Variants in ATP2C2 observed in about 807,000 individuals in gnomAD.
ATP2C2 encodes ATPase secretory pathway Ca2+ transporting 2, also known as calcium-transporting ATPase type 2C member 2.
Under a neutral mutation model 110.8 loss-of-function variants are expected in ATP2C2, and 171 were observed. The observed-to-expected ratio is 1.54, with a 90% CI of 1.36 to 1.75. ATP2C2 has a LOEUF of 1.75. Among genes scored for constraint, ATP2C2 ranks in the 40% most tolerant of loss-of-function variants. The pLI is 0.00. For missense variants in ATP2C2, 1,963 were observed against 1,235.0 expected, an observed-to-expected ratio of 1.59 and a Z score of -8.84; for synonymous variants, 804 against 508.4, an observed-to-expected ratio of 1.58 and a Z score of -7.82.
intron 1 of ATP2C2, among the ~76,000 whole-genome samples, chr16:84,397,062 C>T (rs1429175011): frequency 6.6e-6 from 1 of 151,818 alleles, no homozygotes; most frequent in African/African-American, 2.4e-5. Flanking sequence ...TCCCAGTTTC[C>T]AGTAACCTGG....
intron 3 of ATP2C2, among the ~76,000 whole-genome samples, chr16:84,406,363 G>A (rs754490136): frequency 6.6e-6 from 1 of 152,234 alleles, no homozygotes; most frequent in Non-Finnish European, 1.5e-5. Flanking sequence ...AGGGCATTTA[G>A]ATGGCCTTAG....
chr16:84,459,852 A>G, intron 23 of ATP2C2: 2 of 401,890 alleles, frequency 5.0e-6, no homozygotes, highest in Non-Finnish European at 9.3e-6. Context: ...TTTGTGTTTC[A>G]TCCCTGATGT....
intron 1 of ATP2C2, among the ~76,000 whole-genome samples, chr16:84,381,246 T>TGCG (rs1345530376): frequency 6.6e-6 from 1 of 152,040 alleles, no homozygotes; most frequent in African/African-American, 2.4e-5. Context: ...TCAGTTAGAG[T>TGCG]GCGGCAGAAA....
At chr16:84,412,486 G>A (rs1192906520) in intron 6 of ATP2C2, among the ~76,000 whole-genome samples, 2 of 105,208 alleles carry the variant, frequency 1.9e-5, no homozygotes, top group African/African-American at 6.7e-5. Context: ...GCATGTGTAT[G>A]TGTGCATGTG....
At chr16:84,387,419 G>A (rs554245766) in intron 1 of ATP2C2, among the ~76,000 whole-genome samples, 12 of 152,272 alleles carry the variant, frequency 7.9e-5, no homozygotes, top group East Asian at 1.9e-4. Context: ...GGCTGAGGCA[G>A]GAGAATCACT....
At chr16:84,383,224 A>G (rs1340363600) in intron 1 of ATP2C2, among the ~76,000 whole-genome samples, 2 of 152,218 alleles carry the variant, frequency 1.3e-5, no homozygotes, top group Admixed American at 1.3e-4. Context: ...AATCAGTGCC[A>G]GGGAGGCCCA....
intron 7 of ATP2C2, among the ~76,000 whole-genome samples, chr16:84,417,421 A>T (rs549750255): frequency 6.6e-6 from 1 of 152,224 alleles, no homozygotes; most frequent in Admixed American, 6.5e-5. Flanking sequence ...GAAACAAGCT[A>T]TGACCCATGC....
chr16:84,396,206 T>A (rs937028968), intron 1 of ATP2C2, among the ~76,000 whole-genome samples: 3 of 148,048 alleles, frequency 2.0e-5, no homozygotes, highest in Non-Finnish European at 4.5e-5. Context: ...TCTCTGCAAG[T>A]GTTTTCAAGC....
rs150484575 is a variant in ATP2C2, at chr16:84,436,484, G to C, written c.987-2682G>C. Among the ~76,000 whole-genome samples the C allele has an allele frequency of 7.7e-3, 1,180 of 152,260 alleles. 21 individuals are homozygous for C. The highest frequency in any genetic ancestry group is 0.027 in the African/African-American group (1,124 of 41,552). On this transcript the variant is annotated intron_variant, in intron 11 of 26. Transcript: ENST00000262429. ...GGGTCCCTGGCAGTGGCTGTGGGTG[G>C]GTTGCAGGTGTGGTGAGAGACAGTG...
chr16:84,422,800 G>A, intron 9 of ATP2C2, 103 bp downstream of exon 9: 1 of 1,237,186 alleles, frequency 8.1e-7, no homozygotes, highest in Admixed American at 2.3e-5. Context: ...TGAGTGGCAT[G>A]TGGTTCATAT....
intron 17 of ATP2C2, among the ~76,000 whole-genome samples, chr16:84,449,332 C>T (rs572854002): frequency 1.3e-5 from 2 of 152,344 alleles, no homozygotes; most frequent in South Asian, 4.1e-4. Context: ...ACCCTTGCGG[C>T]TTTCTGGGGC....
chr16:84,455,074 G>A lies in ATP2C2; in HGVS notation c.2147+90G>A, dbSNP rs566232739. On this transcript the variant is annotated intron_variant, in intron 21 of 26. Coordinates refer to ENST00000262429, the MANE Select transcript of ATP2C2 (RefSeq NM_014861.4). The stretch of plus-strand genomic sequence containing the variant: ...AACCTGCTACTGTGGAGATAGAGGG[G>A]GGGGTCTCGCGGAGTCCCCAGGGAG... The A allele has an allele frequency of 1.5e-4, 226 of 1,521,772 alleles. 3 individuals carry two copies. The African/African-American group carries it at 2.7e-3, about 18-fold the overall frequency. The allele number at this position is 1,521,772 out of a possible 1,614,324, so 94.3% of individuals were successfully genotyped here.
At chr16:84,391,781 T>TGTTG (rs1181118766) in intron 1 of ATP2C2, among the ~76,000 whole-genome samples, 3 of 152,178 alleles carry the variant, frequency 2.0e-5, no homozygotes, top group Admixed American at 6.5e-5. Context: ...ACCGAGTTTG[T>TGTTG]GTTGGTTGTT....
intron 11 of ATP2C2, among the ~76,000 whole-genome samples, chr16:84,431,669 A>G (rs960927960): frequency 6.6e-6 from 1 of 152,114 alleles, no homozygotes; most frequent in African/African-American, 2.4e-5. Flanking sequence ...GGGGGGGACC[A>G]CAGCTGAGCT....
In ATP2C2 at chr16:84,453,141, G is replaced by A. The variant is rs1910450441; in HGVS notation, c.1835G>A (p.Arg612Lys). Residue 612 changes from arginine (R) to lysine (K), a missense_variant, in exon 19 of 27, where the codon AGA becomes AAA. By Grantham distance (26) the Arg-to-Lys change is conservative (BLOSUM62 2). Transcript: ENST00000262429. The stretch of plus-strand genomic sequence containing the variant: ...CTCAGAACAGGTTCTTCTGAAGGAA[G>A]AAACATCGGCCTGTGCAACGGGAAG... ...DALETALAIG[R>K]NIGLCNGKLQ... The A allele has an allele frequency of 1.2e-6, 2 of 1,610,016 alleles. No individual in the cohort carries two copies. Among genetic ancestry groups the A allele is most frequent in the Non-Finnish European group, 1.7e-6 (2 of 1,177,938 alleles).
intron 2 of ATP2C2, among the ~76,000 whole-genome samples, chr16:84,400,115 G>A (rs561124388): frequency 6.6e-6 from 1 of 152,056 alleles, no homozygotes; most frequent in African/African-American, 2.4e-5. Flanking sequence ...TTTTATGGGT[G>A]CATAGTACTC....
At position 84,436,448 on chromosome 16, in the gene ATP2C2, G is replaced by A. The variant is rs113826031; in HGVS notation, c.987-2718G>A. 5.3e-3 allele frequency among the ~76,000 whole-genome samples: 800 copies of A among 152,278 alleles called. 8 individuals are homozygous for A. The highest frequency in any genetic ancestry group is 0.018 in the African/African-American group (761 of 41,552). ...GGGCCTGGACCGGGCGTGTCTCGAG[G>A]GGCTTCTGCAGGGTCCCTGGCAGTG... On this transcript the variant is annotated intron_variant, in intron 11 of 26. Coordinates refer to ENST00000262429, the MANE Select transcript of ATP2C2 (RefSeq NM_014861.4).
chr16:84,455,612 T>G (rs542860282), intron 21 of ATP2C2, among the ~76,000 whole-genome samples: 10 of 152,072 alleles, frequency 6.6e-5, no homozygotes, highest in Non-Finnish European at 1.2e-4. Context: ...CTAATCGCAG[T>G]GGTTAGTTGG....
At chr16:84,424,232 A>C (rs1271512459) in intron 10 of ATP2C2, among the ~76,000 whole-genome samples, 1 of 152,152 alleles carries the variant, frequency 6.6e-6, no homozygotes, top group African/African-American at 2.4e-5. Context: ...GTTAAATTAG[A>C]ACTTAAATTG....
Sources: allele counts gnomAD v4.1 joint callset (sites outside exome capture counted in the v4.1 genomes callset), GRCh38; gene constraint gnomAD v4.1.1; transcripts MANE v1.5; gene names NCBI Gene and HGNC (gene_info 2026-07-23, HGNC 2026-07-21).